The following PVT1 variants were observed in gnomAD, a reference collection of about 807,000 sequenced individuals.
The protein encoded by PVT1 is CXCR4/PVT1 fusion.
chr8:127,917,425 C>G (rs1816000095), intron 3 of PVT1, among the ~76,000 whole-genome samples: 1 of 152,204 alleles, frequency 6.6e-6, no homozygotes. Flanking sequence ...AGGAAACCAG[C>G]TCTCCCTTGA....
intron 3 of PVT1, among the ~76,000 whole-genome samples, chr8:127,910,508 T>C (rs1287485049): frequency 6.6e-6 from 1 of 152,238 alleles, no homozygotes; most frequent in Non-Finnish European, 1.5e-5. Context: ...CTTTTCTTTA[T>C]GGCCTTTCCT....
At chr8:127,895,152 C>G (rs1243028858) in intron 3 of PVT1, among the ~76,000 whole-genome samples, 1 of 152,156 alleles carries the variant, frequency 6.6e-6, no homozygotes, top group Non-Finnish European at 1.5e-5. Flanking sequence ...TTCATGTATT[C>G]ATTTCATTCA....
chr8:128,015,370 A>G (rs934635115), intron 4 of PVT1, among the ~76,000 whole-genome samples: 3 of 152,096 alleles, frequency 2.0e-5, no homozygotes, highest in Non-Finnish European at 2.9e-5. Flanking sequence ...GATTACAAGT[A>G]TGAGCCACTG....
intron 4 of PVT1, among the ~76,000 whole-genome samples, chr8:128,043,633 CT>C (rs978192276): frequency 6.6e-6 from 1 of 152,130 alleles, no homozygotes; most frequent in African/African-American, 2.4e-5. Flanking sequence ...GCATTCAGAG[CT>C]GGGGGAAATC....
chr8:127,892,796 G>A lies in PVT1; in HGVS notation n.782+1798G>A, dbSNP rs138671550. ...GGGGGCTGCTGAGGGTCTGGAGAGA[G>A]GCTCACAGTGGTGAGCAAAGAGGTT... On this transcript the variant is annotated intron_variant and non_coding_transcript_variant, in intron 3 of 10. Transcript: ENST00000651587. Among the ~76,000 whole-genome samples, 76 of 152,254 alleles carry A rather than the reference G, an allele frequency of 5.0e-4. 2 individuals carry two copies. The highest frequency in any genetic ancestry group is 1.8e-3 in the African/African-American group (74 of 41,536).
chr8:127,997,670 G>A (rs571572501), intron 4 of PVT1, among the ~76,000 whole-genome samples: 41 of 152,316 alleles, frequency 2.7e-4, no homozygotes, highest in African/African-American at 9.6e-4. Flanking sequence ...AGTTCAAAAA[G>A]TTCTCATATA....
intron 4 of PVT1, among the ~76,000 whole-genome samples, chr8:128,021,545 G>A (rs148507102): frequency 5.9e-5 from 9 of 151,960 alleles, no homozygotes; most frequent in African/African-American, 1.7e-4. Context: ...CGCCCTCCTC[G>A]GCCTCCCAAA....
At position 127,927,669 on chromosome 8, in the gene PVT1, T is replaced by A. The variant is rs117021204; in HGVS notation, n.782+36671T>A. ...GAGTCAGACTGATCAGTACTGGGAT[T>A]CTGGCCATACCCCCTCCTTAGCTGG... On this transcript the variant is annotated intron_variant and non_coding_transcript_variant, in intron 3 of 10. Transcript: ENST00000651587. Among the ~76,000 whole-genome samples the A allele has an allele frequency of 4.0e-3, 610 of 152,248 alleles. 1 individual carries two copies. Among genetic ancestry groups the A allele is most frequent in the Admixed American group, 6.9e-3 (105 of 15,294 alleles).
intron 2 of PVT1, among the ~76,000 whole-genome samples, chr8:127,804,170 T>G (rs1346682359): frequency 1.3e-5 from 2 of 152,138 alleles, no homozygotes; most frequent in African/African-American, 4.8e-5. Flanking sequence ...GAGTTATGAT[T>G]ACACCACTGT....
intron 3 of PVT1, among the ~76,000 whole-genome samples, chr8:127,962,677 G>A (rs1276457635): frequency 2.6e-5 from 4 of 152,056 alleles, no homozygotes; most frequent in Non-Finnish European, 5.9e-5. Context: ...GCTCACTGCA[G>A]CCTCTGCCTC....
intron 5 of PVT1, among the ~76,000 whole-genome samples, chr8:128,078,941 C>T (rs1162384819): frequency 6.6e-6 from 1 of 151,916 alleles, no homozygotes; most frequent in Non-Finnish European, 1.5e-5. Context: ...GCACCAGCCA[C>T]CACACTTGGC....
Position 127,839,531 on chromosome 8 carries a change from G to A in PVT1, n.372+43460G>A, listed in dbSNP as rs536776481. Among the ~76,000 whole-genome samples the A allele has an allele frequency of 5.5e-5, 8 of 144,208 alleles. No individual in the cohort carries two copies. The South Asian group carries it at 1.5e-3, about 27-fold the overall frequency. 94.6% of individuals were successfully genotyped at this position (144,208 alleles called of 152,430 possible). A position where few individuals can be genotyped will look rare whatever the true frequency, so the allele number is the denominator to read the frequency against. Reference sequence around the variant, plus strand: ...TGCCACTGCACTCCAGCCTGGGTGAGAGAGTGAGATCCTATCTCAAAAATA... The same window carrying A: ...TGCCACTGCACTCCAGCCTGGGTGAAAGAGTGAGATCCTATCTCAAAAATA... On this transcript the variant is annotated intron_variant and non_coding_transcript_variant, in intron 2 of 10. Coordinates refer to ENST00000651587, the Ensembl canonical transcript of PVT1.
At chr8:127,935,153 A>G (rs987976809) in intron 3 of PVT1, among the ~76,000 whole-genome samples, 6 of 151,872 alleles carry the variant, frequency 4.0e-5, no homozygotes, top group South Asian at 4.2e-4. Flanking sequence ...TTTAGTAGAG[A>G]CGGGGTTTCT....
intron 4 of PVT1, among the ~76,000 whole-genome samples, chr8:128,066,846 A>T (rs565764529): frequency 6.6e-6 from 1 of 152,226 alleles, no homozygotes; most frequent in South Asian, 2.1e-4. Flanking sequence ...TCTCTTTCCT[A>T]GTGCAGATTC....
chr8:127,955,573 CCCCTCCCCTCCCCTG>C (rs1470866861), intron 3 of PVT1, among the ~76,000 whole-genome samples: 11 of 151,410 alleles, frequency 7.3e-5, no homozygotes, highest in South Asian at 2.1e-4. Flanking sequence ...AGTCTGTAAT[CCCCTCCCCTCCCCTG>C]CCCTCCCCTC....
chr8:127,966,326 C>T (rs1816702327), intron 3 of PVT1, among the ~76,000 whole-genome samples: 1 of 152,064 alleles, frequency 6.6e-6, no homozygotes, highest in South Asian at 2.1e-4. Flanking sequence ...CTAGAGGTGA[C>T]CTGAATTGCT....
intron 2 of PVT1, among the ~76,000 whole-genome samples, chr8:127,798,704 CAAA>C (rs71300266): frequency 9.1e-6 from 1 of 110,484 alleles, no homozygotes; most frequent in South Asian, 2.8e-4. Flanking sequence ...ACTAAAAATA[CAAA>C]AAAAAAAAAA....
intron 3 of PVT1, among the ~76,000 whole-genome samples, chr8:127,897,902 A>AG (rs201081102): frequency 6.7e-6 from 1 of 150,074 alleles, no homozygotes; most frequent in Non-Finnish European, 1.5e-5. Flanking sequence ...AAAGAAAGAA[A>AG]AAAAGACAGA....
At chr8:127,951,564 C>T (rs1053238468) in intron 3 of PVT1, among the ~76,000 whole-genome samples, 10 of 152,184 alleles carry the variant, frequency 6.6e-5, no homozygotes, top group Non-Finnish European at 1.2e-4. Context: ...AACTAAAAGG[C>T]GTGTAACAAA....
Sources: allele counts gnomAD v4.1 joint callset (sites outside exome capture counted in the v4.1 genomes callset), GRCh38; gene constraint gnomAD v4.1.1; transcripts MANE v1.5; gene names NCBI Gene and HGNC (gene_info 2026-07-23, HGNC 2026-07-21).